Variants in PHF14 observed in about 807,000 individuals in gnomAD.
PHF14 encodes the protein PHD finger protein 14.
Under a neutral mutation model 117.9 loss-of-function variants are expected in PHF14, and 55 were observed. The ratio of observed to expected loss-of-function variants is 0.47; its 90% confidence interval spans 0.38 to 0.58. The LOEUF (loss-of-function observed/expected upper bound fraction) is 0.58. Ranked by LOEUF, PHF14 falls within the 20% of genes least tolerant of loss-of-function variation. PHF14 has a pLI of 0.00. For synonymous variants in PHF14, 409 were observed against 368.6 expected (o/e 1.11, Z -1.26); for missense variants, 978 against 1,122.2 (o/e 0.87, Z 1.84).
chr7:11,069,905 C>T (rs1312663246), intron 16 of PHF14, among the ~76,000 whole-genome samples: 1 of 149,966 alleles, frequency 6.7e-6, no homozygotes, highest in Admixed American at 6.6e-5. Context: ...TAATACTGGC[C>T]TTCTGAATGG....
At chr7:11,084,495 GTT>G (rs11291559) in intron 16 of PHF14, among the ~76,000 whole-genome samples, 139 of 141,372 alleles carry the variant, frequency 9.8e-4, no homozygotes, top group Middle Eastern at 3.9e-3. Flanking sequence ...TTACTCTTGT[GTT>G]TTTTTTTTTT....
At chr7:11,020,718 A>C (rs532249728) in intron 5 of PHF14, among the ~76,000 whole-genome samples, 1 of 152,144 alleles carries the variant, frequency 6.6e-6, no homozygotes, top group East Asian at 1.9e-4. Context: ...TAGATTTAGT[A>C]AGTCTTAGTT....
At chr7:11,087,855 G>T (rs1473795961) in intron 16 of PHF14, among the ~76,000 whole-genome samples, 2 of 152,076 alleles carry the variant, frequency 1.3e-5, no homozygotes, top group African/African-American at 2.4e-5. Context: ...GGAACATTAG[G>T]ATTATTTTAA....
At chr7:11,148,915 TC>T (rs1788629095) in intron 17 of PHF14, among the ~76,000 whole-genome samples, 1 of 152,246 alleles carries the variant, frequency 6.6e-6, no homozygotes, top group African/African-American at 2.4e-5. Flanking sequence ...GTTTTGAACA[TC>T]TACTTTTATT....
chr7:11,041,675 C>T (rs563611111), intron 12 of PHF14, among the ~76,000 whole-genome samples: 1 of 151,936 alleles, frequency 6.6e-6, no homozygotes, highest in South Asian at 2.1e-4. Context: ...ACAATGTGAA[C>T]ATTAGCACAT....
chr7:11,034,180 T>C (rs1304291316), intron 7 of PHF14, among the ~76,000 whole-genome samples: 1 of 152,164 alleles, frequency 6.6e-6, no homozygotes, highest in Non-Finnish European at 1.5e-5. Flanking sequence ...TGTTCTTATA[T>C]GTCTCTCCTC....
At chr7:11,040,424 A>G (rs1303180488) in intron 11 of PHF14, among the ~76,000 whole-genome samples, 1 of 152,044 alleles carries the variant, frequency 6.6e-6, no homozygotes, top group Non-Finnish European at 1.5e-5. Flanking sequence ...AAGCTGAAAT[A>G]GAAGTTTAAT....
At chr7:11,002,557 G>T (rs939919787) in intron 4 of PHF14, among the ~76,000 whole-genome samples, 2 of 151,996 alleles carry the variant, frequency 1.3e-5, no homozygotes, top group Non-Finnish European at 2.9e-5. Context: ...TCCTGTCTCA[G>T]CCTCCCAGAG....
chr7:11,161,925 C>G (rs919203256), intron 17 of PHF14, among the ~76,000 whole-genome samples: 2 of 150,740 alleles, frequency 1.3e-5, no homozygotes, highest in African/African-American at 4.8e-5. Context: ...TAGTAGTTTA[C>G]TACCTGAAGG....
chr7:11,036,470 G>A lies in PHF14; in HGVS notation c.1655G>A (p.Arg552Gln), dbSNP rs1784329926. 2 of 1,613,540 alleles carry A rather than the reference G, an allele frequency of 1.2e-6. No homozygotes were observed. The highest frequency in any genetic ancestry group is 1.7e-6 in the Non-Finnish European group (2 of 1,179,664). The change falls in exon 9 of 18, where the codon CGA (arginine) becomes CAA (glutamine). Residue 552 changes from arginine (R) to glutamine (Q), a missense_variant. Around this residue, in one of 7 missense-constraint regions of PHF14, gnomAD observed 237 missense variants for 276.4 expected, o/e 0.86. Transcript: ENST00000634607. ...TATCGTGCCAAAGCAGAACTAGCTC[G>A]ATCTACCAGACCCCAGGCCTGGGTT... is the stretch of plus-strand genomic sequence containing the variant. Reference protein sequence around the residue: ...QQYRAKAELARSTRPQAWVPR... With the variant: ...QQYRAKAELAQSTRPQAWVPR...
chr7:11,006,467 T>C, intron 4 of PHF14: 1 of 539,828 alleles, frequency 1.9e-6, no homozygotes, highest in South Asian at 1.4e-5. Context: ...ACATATGCCT[T>C]CTTTTCTCCA....
chr7:11,023,206 G>A (rs1199996308), intron 6 of PHF14, among the ~76,000 whole-genome samples: 2 of 152,164 alleles, frequency 1.3e-5, no homozygotes, highest in East Asian at 3.9e-4. Flanking sequence ...ATGATAATTG[G>A]TACTACTACC....
chr7:11,092,964 T>C (rs1786700578), intron 16 of PHF14, among the ~76,000 whole-genome samples: 3 of 152,338 alleles, frequency 2.0e-5, no homozygotes, highest in African/African-American at 7.2e-5. Flanking sequence ...TCTAGATTGC[T>C]CTGAAATAGC....
At chr7:11,040,801 G>C in intron 12 of PHF14, 26 bp downstream of exon 12, 1 of 1,109,164 alleles carries the variant, frequency 9.0e-7, no homozygotes, top group Non-Finnish European at 1.3e-6. Flanking sequence ...AATAATGATA[G>C]AATAATGTTG....
At chr7:11,163,215 A>G (rs1018016387) in intron 17 of PHF14, among the ~76,000 whole-genome samples, 1 of 152,220 alleles carries the variant, frequency 6.6e-6, no homozygotes, top group Non-Finnish European at 1.5e-5. Flanking sequence ...TACTAAGAAC[A>G]TCCCAAGTGA....
chr7:11,000,866 T>A (rs1782845205), intron 4 of PHF14, among the ~76,000 whole-genome samples: 1 of 152,180 alleles, frequency 6.6e-6, no homozygotes, highest in Non-Finnish European at 1.5e-5. Context: ...TACATTTTAA[T>A]GGAGTCCAAC....
chr7:11,145,430 A>G (rs1788518963), intron 17 of PHF14, among the ~76,000 whole-genome samples: 1 of 152,128 alleles, frequency 6.6e-6, no homozygotes, highest in African/African-American at 2.4e-5. Flanking sequence ...TATTGTTGCT[A>G]AAACTTATAT....
At chr7:11,147,889 A>G (rs1376878142) in intron 17 of PHF14, among the ~76,000 whole-genome samples, 1 of 152,170 alleles carries the variant, frequency 6.6e-6, no homozygotes, top group African/African-American at 2.4e-5. Context: ...CTAGATAACT[A>G]AAGATTGGCT....
intron 17 of PHF14, among the ~76,000 whole-genome samples, chr7:11,127,875 C>T (rs1309633459): frequency 3.3e-5 from 5 of 152,056 alleles, no homozygotes; most frequent in Non-Finnish European, 5.9e-5. Context: ...ATCCTATCAC[C>T]ATGACTTAAA....
Sources: allele counts gnomAD v4.1 joint callset (sites outside exome capture counted in the v4.1 genomes callset), GRCh38; gene constraint gnomAD v4.1.1; regional missense constraint gnomAD v4.1.1; transcripts MANE v1.5; gene names NCBI Gene and HGNC (gene_info 2026-07-23, HGNC 2026-07-21).